The following RGS5 variants were observed in gnomAD, a reference collection of about 807,000 sequenced individuals.
RGS5 encodes the protein regulator of G protein signaling 5.
Under a neutral mutation model 18.9 loss-of-function variants are expected in RGS5, and 20 were observed. The observed-to-expected ratio is 1.06, with a 90% CI of 0.74 to 1.54. The LOEUF is 1.54. Among genes scored for constraint, RGS5 ranks in the 40% most tolerant of loss-of-function variants. The probability of loss-of-function intolerance (pLI) is 0.00; values close to 1 mark genes in which losing one functional copy is unlikely to be tolerated. For missense variants in RGS5, 201 were observed against 211.8 expected, an observed-to-expected ratio of 0.95 and a Z score of 0.32; for synonymous variants, 57 against 76.2, an observed-to-expected ratio of 0.75 and a Z score of 1.31.
At position 163,152,584 on chromosome 1, in the gene RGS5, T is replaced by A. The variant is rs144088608; in HGVS notation, c.350A>T (p.Tyr117Phe). 6.2e-7 allele frequency: 1 copy of A among 1,612,944 alleles called. No individual in the cohort carries two copies. Among genetic ancestry groups the A allele is most frequent in the Non-Finnish European group, 8.5e-7 (1 of 1,179,312 alleles). Reference sequence around the variant, plus strand: ...AGCCTCCGTTTGAATGAATTCTTCATAAATTTGCTTTGCCTTCTCAGCCAT... The same window carrying A: ...AGCCTCCGTTTGAATGAATTCTTCAAAAATTTGCTTTGCCTTCTCAGCCAT... ...AKMAEKAKQI[Y>F]EEFIQTEAPK... Residue 117 changes from tyrosine to phenylalanine, a missense_variant, in exon 4 of 5, where the codon TAT becomes TTT. Tyr to Phe is a conservative substitution (Grantham distance 22). Transcript: ENST00000313961.
chr1:163,174,048 C>T (rs1055337825), intron 1 of RGS5, among the ~76,000 whole-genome samples: 4 of 152,142 alleles, frequency 2.6e-5, no homozygotes, highest in Non-Finnish European at 5.9e-5. Flanking sequence ...TGCACTCCAG[C>T]CTGGACAACA....
upstream of RGS5, among the ~76,000 whole-genome samples, chr1:163,207,568 G>C (rs1172804124): frequency 6.6e-6 from 1 of 152,058 alleles, no homozygotes; most frequent in East Asian, 1.9e-4. Context: ...AATTACTAGG[G>C]AATTTGAGCT....
At chr1:163,217,695 A>G, upstream of RGS5, 2 of 1,415,788 alleles carry the variant, frequency 1.4e-6, no homozygotes, top group Non-Finnish European at 1.8e-6. Context: ...AGAAGAGCAG[A>G]GAACTTGGAA....
At chr1:163,286,845 G>T (rs996415458) in intron 2 of RGS5, among the ~76,000 whole-genome samples, 1 of 151,932 alleles carries the variant, frequency 6.6e-6, no homozygotes, top group African/African-American at 2.4e-5. Flanking sequence ...CTTTGAGAGG[G>T]GATAATGTTA....
chr1:163,306,639 G>A lies in RGS5; in HGVS notation c.-377-310C>T, dbSNP rs74617549. Among the ~76,000 whole-genome samples, 1,129 of 152,200 alleles carry A rather than the reference G, an allele frequency of 7.4e-3. 16 individuals are homozygous for A. Among genetic ancestry groups the A allele is most frequent in the African/African-American group, 0.026 (1,063 of 41,504 alleles). On this transcript the variant is annotated intron_variant, in intron 1 of 5. Coordinates refer to the RGS5 transcript ENST00000618415. ...CAGAATGTGACCTTATTTGTAAATA[G>A]GGTCTTTGTAAAGGAAATCAAGTTA...
At chr1:163,172,963 T>C (rs951586502) in intron 1 of RGS5, among the ~76,000 whole-genome samples, 2 of 152,124 alleles carry the variant, frequency 1.3e-5, no homozygotes, top group Admixed American at 1.3e-4. Flanking sequence ...CACAGACATA[T>C]GAAAATAAAA....
upstream of RGS5, chr1:163,217,675 C>G (rs1373435189): frequency 1.4e-6 from 2 of 1,479,366 alleles, no homozygotes; most frequent in Non-Finnish European, 1.8e-6. Flanking sequence ...TTTTGGGAAA[C>G]AATGCTGAGA....
upstream of RGS5, chr1:163,217,713 G>A (rs1055338192): frequency 7.9e-5 from 106 of 1,340,546 alleles, no homozygotes; most frequent in Non-Finnish European, 9.7e-5. Flanking sequence ...GAACCTTGAT[G>A]ACATTGTTGA....
At chr1:163,244,187 A>T (rs1647872178) in intron 2 of RGS5, among the ~76,000 whole-genome samples, 1 of 152,226 alleles carries the variant, frequency 6.6e-6, no homozygotes. Context: ...CTTGAGGTCT[A>T]CAGAGAGAAG....
At chr1:163,179,133 C>T (rs1040189812) in intron 1 of RGS5, among the ~76,000 whole-genome samples, 1 of 152,164 alleles carries the variant, frequency 6.6e-6, no homozygotes, top group African/African-American at 2.4e-5. Flanking sequence ...ACATTGAACT[C>T]TTAGAAAATC....
chr1:163,166,444 A>G (rs896435859), intron 2 of RGS5, among the ~76,000 whole-genome samples: 3 of 152,344 alleles, frequency 2.0e-5, no homozygotes, highest in African/African-American at 7.2e-5. Flanking sequence ...AAAGAAGAAC[A>G]TGAGTTAAAA....
intron 1 of RGS5, among the ~76,000 whole-genome samples, chr1:163,193,631 A>G (rs1469669642): frequency 6.6e-6 from 1 of 152,118 alleles, no homozygotes; most frequent in Non-Finnish European, 1.5e-5. Context: ...GGCAAACTAT[A>G]TGTTCCTAAT....
chr1:163,283,265 A>G (rs1649042125), intron 2 of RGS5, among the ~76,000 whole-genome samples: 1 of 152,164 alleles, frequency 6.6e-6, no homozygotes, highest in East Asian at 1.9e-4. Context: ...TATGTGTTCA[A>G]AATCCTAGAA....
At chr1:163,192,853 A>T (rs1659412411) in intron 1 of RGS5, among the ~76,000 whole-genome samples, 1 of 152,228 alleles carries the variant, frequency 6.6e-6, no homozygotes, top group African/African-American at 2.4e-5. Flanking sequence ...ATGTGGTCTC[A>T]CACTCCCATT....
At chr1:163,259,161 T>G (rs1451027082) in intron 2 of RGS5, among the ~76,000 whole-genome samples, 1 of 150,636 alleles carries the variant, frequency 6.6e-6, no homozygotes, top group Non-Finnish European at 1.5e-5. Context: ...GTCTTAGTAT[T>G]TTTTTTTTAA....
chr1:163,288,160 T>A (rs971837945), intron 2 of RGS5, among the ~76,000 whole-genome samples: 1 of 152,068 alleles, frequency 6.6e-6, no homozygotes, highest in Non-Finnish European at 1.5e-5. Context: ...AGGTAATGGA[T>A]ACTGTAGAAC....
At chr1:163,247,275 A>G (rs1172436785) in intron 2 of RGS5, among the ~76,000 whole-genome samples, 4 of 152,208 alleles carry the variant, frequency 2.6e-5, no homozygotes, top group Admixed American at 1.3e-4. Context: ...TAATTATAAG[A>G]AAATAACTGA....
At chr1:163,224,103 C>A (rs1325999888) in intron 2 of RGS5, among the ~76,000 whole-genome samples, 1 of 151,992 alleles carries the variant, frequency 6.6e-6, no homozygotes, top group East Asian at 1.9e-4. Context: ...TTGAAATATG[C>A]AATATATTAT....
At chr1:163,291,854 A>C (rs991299842) in intron 2 of RGS5, among the ~76,000 whole-genome samples, 1 of 152,174 alleles carries the variant, frequency 6.6e-6, no homozygotes, top group African/African-American at 2.4e-5. Flanking sequence ...CGGTGTGGCC[A>C]GACTTGTGTT....
Sources: allele counts gnomAD v4.1 joint callset (sites outside exome capture counted in the v4.1 genomes callset), GRCh38; gene constraint gnomAD v4.1.1; transcripts MANE v1.5; gene names NCBI Gene and HGNC (gene_info 2026-07-23, HGNC 2026-07-21).